MICU3: variants seen among roughly 807,000 people sequenced by gnomAD.
MICU3 encodes the protein mitochondrial calcium uptake 3.
MICU3 carries 62 observed loss-of-function variants against 66.5 expected under a neutral mutation model. The ratio of observed to expected loss-of-function variants is 0.93; its 90% CI spans 0.76 to 1.15. The LOEUF (loss-of-function observed/expected upper bound fraction) is 1.15. MICU3 is among the 50% of genes most tolerant of loss of function. The pLI, the probability that MICU3 is intolerant of heterozygous loss-of-function variation, is 0.00. For synonymous variants in MICU3, 308 were observed against 240.7 expected, an observed-to-expected ratio of 1.28 and a Z score of -2.59; for missense variants, 779 against 664.4, an observed-to-expected ratio of 1.17 and a Z score of -1.90.
At chr8:17,062,432 C>CT (rs1388325079) in intron 1 of MICU3, among the ~76,000 whole-genome samples, 1 of 152,078 alleles carries the variant, frequency 6.6e-6, no homozygotes. Context: ...GGGAGCGAAA[C>CT]TTTTTTTCAG....
At chr8:17,032,980 G>C (rs1563263370) in intron 1 of MICU3, among the ~76,000 whole-genome samples, 1 of 152,138 alleles carries the variant, frequency 6.6e-6, no homozygotes, top group Non-Finnish European at 1.5e-5. Flanking sequence ...ATATAAGACA[G>C]CAAAGAATAA....
At chr8:17,085,602 A>G (rs1398606032) in intron 6 of MICU3, among the ~76,000 whole-genome samples, 1 of 152,082 alleles carries the variant, frequency 6.6e-6, no homozygotes, top group African/African-American at 2.4e-5. Flanking sequence ...GGCAGTCCTC[A>G]GGTTATACAT....
intron 1 of MICU3, among the ~76,000 whole-genome samples, chr8:17,058,861 A>C (rs1300932089): frequency 6.6e-6 from 1 of 152,228 alleles, no homozygotes; most frequent in Non-Finnish European, 1.5e-5. Context: ...TCTGTTGATA[A>C]ACTCCAGAGA....
At chr8:17,053,225 AATTG>A (rs1816389004) in intron 1 of MICU3, among the ~76,000 whole-genome samples, 1 of 152,130 alleles carries the variant, frequency 6.6e-6, no homozygotes, top group African/African-American at 2.4e-5. Context: ...CAGTTTAGAT[AATTG>A]ATATAATTGT....
chr8:17,110,439 C>G (rs539368002), intron 11 of MICU3, among the ~76,000 whole-genome samples: 1 of 151,958 alleles, frequency 6.6e-6, no homozygotes, highest in Non-Finnish European at 1.5e-5. Flanking sequence ...CTCCTCAGTC[C>G]CTGGCAACCA....
At chr8:17,130,732 A>C in the MICU3 span, among the ~76,000 whole-genome samples, 1 of 152,234 alleles carries the variant, frequency 6.6e-6, no homozygotes, top group East Asian at 1.9e-4. Context: ...AAAATGCAGT[A>C]ATTTTTTTTA....
intron 8 of MICU3, among the ~76,000 whole-genome samples, chr8:17,092,256 A>G (rs1435864965): frequency 1.3e-5 from 2 of 151,854 alleles, no homozygotes; most frequent in African/African-American, 4.8e-5. Flanking sequence ...TTTTCCCTTA[A>G]TCTCATAAGC....
At chr8:17,031,788 G>T (rs529897132) in intron 1 of MICU3, among the ~76,000 whole-genome samples, 1 of 152,126 alleles carries the variant, frequency 6.6e-6, no homozygotes, top group Non-Finnish European at 1.5e-5. Flanking sequence ...CAGAAATACA[G>T]TTCTCTTATA....
rs1009139946 is a variant in MICU3, at chr8:17,121,907, T to A, written c.*1620T>A. ...AAATGAAAATGCCTACCCACTCATA[T>A]AACATACCTCAGGTCTATTTTACCT... On this transcript the variant is annotated 3_prime_UTR_variant, in exon 15 of 15. Transcript: ENST00000318063. The A allele has an allele frequency of 6.6e-6, 1 of 151,828 alleles. No individual in the cohort carries two copies. The highest frequency in any genetic ancestry group is 2.4e-5 in the African/African-American group (1 of 41,440). The allele number at this position is 151,828 out of a possible 1,614,324, so 9.4% of individuals were successfully genotyped here.
At chr8:17,044,093 CA>C (rs1814666041) in intron 1 of MICU3, among the ~76,000 whole-genome samples, 1 of 152,150 alleles carries the variant, frequency 6.6e-6, no homozygotes, top group Non-Finnish European at 1.5e-5. Context: ...AGGAGAGCAA[CA>C]ATTTGTGTCT....
At chr8:17,096,911 G>A (rs565557884) in intron 8 of MICU3, among the ~76,000 whole-genome samples, 3 of 150,952 alleles carry the variant, frequency 2.0e-5, no homozygotes, top group African/African-American at 7.3e-5. Flanking sequence ...CAAAATACAT[G>A]GTTGGTTAAA....
chr8:17,071,472 A>G (rs1440966672), intron 3 of MICU3, among the ~76,000 whole-genome samples: 1 of 152,150 alleles, frequency 6.6e-6, no homozygotes, highest in Non-Finnish European at 1.5e-5. Flanking sequence ...ATGACCTTAT[A>G]TAATAACCTA....
chr8:17,057,862 G>A (rs1662837059), intron 1 of MICU3, among the ~76,000 whole-genome samples: 1 of 151,768 alleles, frequency 6.6e-6, no homozygotes, highest in Non-Finnish European at 1.5e-5. Flanking sequence ...TGTTGTTGTT[G>A]TTGAGACGGA....
chr8:17,036,865 G>C (rs971218145), intron 1 of MICU3, among the ~76,000 whole-genome samples: 3 of 152,224 alleles, frequency 2.0e-5, no homozygotes, highest in African/African-American at 4.8e-5. Flanking sequence ...CGTGGCGCAG[G>C]GGGTGGTGCT....
chr8:17,039,645 A>G (rs564880464), intron 1 of MICU3, among the ~76,000 whole-genome samples: 5 of 152,272 alleles, frequency 3.3e-5, no homozygotes, highest in East Asian at 3.9e-4. Flanking sequence ...GGGCTGGACT[A>G]TTTTATAAGT....
chr8:17,040,245 C>A (rs919357549), intron 1 of MICU3, among the ~76,000 whole-genome samples: 2 of 152,222 alleles, frequency 1.3e-5, no homozygotes, highest in South Asian at 4.1e-4. Context: ...TTTAAAGCTT[C>A]TTTGAGGAAG....
In MICU3 at chr8:17,077,773, T is replaced by C; in HGVS notation, c.568-10T>C. 3.1e-6 allele frequency: 5 copies of C among 1,598,252 alleles called. No homozygotes were observed. The highest frequency in any genetic ancestry group is 4.3e-6 in the Non-Finnish European group (5 of 1,167,172). On this transcript the variant is annotated splice_polypyrimidine_tract_variant and intron_variant, in intron 3 of 14. Coordinates refer to ENST00000318063, the MANE Select transcript of MICU3 (RefSeq NM_181723.3). Reference sequence around the variant, plus strand: ...TTACCAATTCATCAGTAGTATAACTTCTGTCATAGGAATTAAATCAAATGC... The same window carrying C: ...TTACCAATTCATCAGTAGTATAACTCCTGTCATAGGAATTAAATCAAATGC...
chr8:17,056,887 C>A (rs1052261430), intron 1 of MICU3, among the ~76,000 whole-genome samples: 3 of 152,138 alleles, frequency 2.0e-5, no homozygotes, highest in African/African-American at 7.2e-5. Context: ...TTGGAGTCAT[C>A]GCCAGAGAAA....
chr8:17,034,855 A>G (rs1036043842), intron 1 of MICU3, among the ~76,000 whole-genome samples: 1 of 152,240 alleles, frequency 6.6e-6, no homozygotes, highest in Non-Finnish European at 1.5e-5. Flanking sequence ...CATTGTTGAA[A>G]TGACAACAAA....
Sources: allele counts gnomAD v4.1 joint callset (sites outside exome capture counted in the v4.1 genomes callset), GRCh38; gene constraint gnomAD v4.1.1; transcripts MANE v1.5; gene names NCBI Gene and HGNC (gene_info 2026-07-23, HGNC 2026-07-21).